Variants in LRRC37A2 observed in about 807,000 individuals in gnomAD.
LRRC37A2 encodes leucine-rich repeat-containing protein 37A2.
LRRC37A2 carries 9 observed loss-of-function variants against 68.8 expected under a neutral mutation model. The observed-to-expected ratio is 0.13, with a 90% CI of 0.08 to 0.23. LRRC37A2 has a LOEUF of 0.23. Ranked by LOEUF, LRRC37A2 falls within the 10% of genes least tolerant of loss-of-function variation. The probability of loss-of-function intolerance (pLI) is 1.00; values close to 1 mark genes in which losing one functional copy is unlikely to be tolerated. For synonymous variants in LRRC37A2, 63 were observed against 367.6 expected, an observed-to-expected ratio of 0.17 and a Z score of 9.48; for missense variants, 168 against 950.4, an observed-to-expected ratio of 0.18 and a Z score of 10.82.
chr17:46,714,843 G>A, the LRRC37A2 span, among the ~76,000 whole-genome samples: 2 of 152,180 alleles, frequency 1.3e-5, no homozygotes, highest in Non-Finnish European at 2.9e-5. Context: ...TCCAAGAGAT[G>A]TGGGAAAATC....
At chr17:46,868,313 T>C in the LRRC37A2 span, among the ~76,000 whole-genome samples, 14 of 152,154 alleles carry the variant, frequency 9.2e-5, no homozygotes, top group African/African-American at 1.7e-4. Flanking sequence ...CATATTTGGC[T>C]GGGCGTGGTG....
At chr17:47,026,750 A>C in the LRRC37A2 span, among the ~76,000 whole-genome samples, 2 of 152,240 alleles carry the variant, frequency 1.3e-5, no homozygotes, top group Admixed American at 1.3e-4. Flanking sequence ...GATAGAAATT[A>C]ATTCTATTAA....
chr17:46,820,613 G>C, the LRRC37A2 span, among the ~76,000 whole-genome samples: 2 of 152,098 alleles, frequency 1.3e-5, no homozygotes. Flanking sequence ...GCTGATTCTG[G>C]GGTGCCCTGT....
At chr17:46,836,095 CGTGTGTG>C in the LRRC37A2 span, among the ~76,000 whole-genome samples, 4 of 126,434 alleles carry the variant, frequency 3.2e-5, no homozygotes, top group Non-Finnish European at 6.5e-5. Context: ...GAGACGCTGA[CGTGTGTG>C]TGTGTGTGTG....
chr17:46,755,263 A>G, the LRRC37A2 span: 1 of 1,366,440 alleles, frequency 7.3e-7, no homozygotes, highest in Admixed American at 1.7e-5. Context: ...GCAAGTGCAG[A>G]GTTGTTAGAA....
the LRRC37A2 span, among the ~76,000 whole-genome samples, chr17:46,967,296 C>T: frequency 2.6e-5 from 4 of 152,186 alleles, no homozygotes; most frequent in African/African-American, 9.7e-5. Context: ...AGTCTCTTAC[C>T]CTTGCTGGGC....
chr17:46,909,203 AT>A, the LRRC37A2 span, among the ~76,000 whole-genome samples: 5 of 151,870 alleles, frequency 3.3e-5, no homozygotes, highest in African/African-American at 9.7e-5. Flanking sequence ...AATTTTTAAA[AT>A]TTTTTTTGTA....
At chr17:46,789,635 C>T in the LRRC37A2 span, among the ~76,000 whole-genome samples, 1 of 152,210 alleles carries the variant, frequency 6.6e-6, no homozygotes, top group Non-Finnish European at 1.5e-5. Context: ...CCAAATGACA[C>T]CATGGGGAAG....
At chr17:46,931,079 C>CT in the LRRC37A2 span, 1 of 1,260,984 alleles carries the variant, frequency 7.9e-7, no homozygotes, top group Non-Finnish European at 1.2e-6. Flanking sequence ...AGCAATTATT[C>CT]TTTTTTCTTT....
At chr17:46,661,407 T>TATTATTA in the LRRC37A2 span, among the ~76,000 whole-genome samples, 2 of 107,292 alleles carry the variant, frequency 1.9e-5, no homozygotes, top group African/African-American at 7.3e-5. Context: ...TTATTATTAT[T>TATTATTA]ATTTTTGAGA....
the LRRC37A2 span, chr17:47,018,150 C>T: frequency 3.8e-6 from 6 of 1,588,498 alleles, no homozygotes; most frequent in Non-Finnish European, 5.2e-6. Context: ...AGAATCTTCC[C>T]AAACCCAGCA....
At chr17:46,867,344 G>T in the LRRC37A2 span, among the ~76,000 whole-genome samples, 1 of 152,282 alleles carries the variant, frequency 6.6e-6, no homozygotes, top group Non-Finnish European at 1.5e-5. Flanking sequence ...CTAGGAAGAG[G>T]TGGAGGTGGG....
the LRRC37A2 span, among the ~76,000 whole-genome samples, chr17:46,740,123 C>T: frequency 6.6e-6 from 1 of 152,076 alleles, no homozygotes; most frequent in Non-Finnish European, 1.5e-5. Flanking sequence ...TTTTTCAGTA[C>T]TAGGAGTGAG....
the LRRC37A2 span, among the ~76,000 whole-genome samples, chr17:46,785,308 C>T: frequency 9.8e-5 from 15 of 152,336 alleles, no homozygotes; most frequent in South Asian, 2.9e-3. Flanking sequence ...CTTCCTGGAC[C>T]TGTCACCCTG....
At chr17:46,731,179 A>T in the LRRC37A2 span, among the ~76,000 whole-genome samples, 3 of 152,174 alleles carry the variant, frequency 2.0e-5, no homozygotes, top group African/African-American at 7.2e-5. Flanking sequence ...TAGTACCATT[A>T]CATACTACAA....
At chr17:46,968,315 G>A in the LRRC37A2 span, among the ~76,000 whole-genome samples, 12 of 152,138 alleles carry the variant, frequency 7.9e-5, no homozygotes, top group Non-Finnish European at 1.3e-4. Flanking sequence ...ATCTCCTCCT[G>A]TTTCTGAATC....
chr17:46,769,485 C>G, the LRRC37A2 span, among the ~76,000 whole-genome samples: 1 of 152,164 alleles, frequency 6.6e-6, no homozygotes, highest in Non-Finnish European at 1.5e-5. Flanking sequence ...CTTGACAGCC[C>G]TACACCGCGT....
the LRRC37A2 span, among the ~76,000 whole-genome samples, chr17:46,871,502 T>A: frequency 3.3e-5 from 5 of 152,204 alleles, no homozygotes; most frequent in African/African-American, 1.2e-4. Context: ...TCTGCTTAGC[T>A]GGAGAGTAAA....
chr17:47,018,745 C>T, the LRRC37A2 span: 2 of 1,520,928 alleles, frequency 1.3e-6, no homozygotes, highest in Middle Eastern at 1.9e-4. Context: ...CATCAGGAGG[C>T]CCCAGCTCAG....
Sources: gnomAD v4.1 joint callset for allele counts (sites outside exome capture counted in the v4.1 genomes callset) on GRCh38, gnomAD v4.1.1 for gene constraint, MANE v1.5 for transcripts, NCBI Gene and HGNC (gene_info 2026-07-23, HGNC 2026-07-21) for gene names.